Variants in MSI2 observed in about 807,000 individuals in gnomAD.
MSI2 encodes the protein musashi RNA binding protein 2.
In MSI2, 17 loss-of-function variants were observed where a neutral mutation model predicts 45.6. That is an observed-to-expected ratio of 0.37 (90% CI 0.26 to 0.56). MSI2 has a LOEUF of 0.56. Among genes scored for constraint, MSI2 ranks in the 20% least tolerant of loss-of-function variants. The probability of loss-of-function intolerance (pLI) is 0.77; values close to 1 mark genes in which losing one functional copy is unlikely to be tolerated. For synonymous variants in MSI2, 156 were observed against 158.2 expected, an observed-to-expected ratio of 0.99 and a Z score of 0.11; for missense variants, 293 against 444.2, an observed-to-expected ratio of 0.66 and a Z score of 3.06.
rs1156874538 is a variant in MSI2, at chr17:57,475,232, G to A, written c.406-54444G>A. ...TGAAGGATTTACCAAAACGCCTAGG[G>A]AGGGCTCCCTGTTCTCACAGAGGTC... On this transcript the variant is annotated intron_variant, in intron 6 of 13. Coordinates refer to ENST00000284073, the MANE Select transcript of MSI2 (RefSeq NM_138962.4). 2.0e-5 allele frequency among the ~76,000 whole-genome samples: 3 copies of A among 152,210 alleles called. No homozygotes were observed. In the East Asian group the frequency reaches 5.8e-4, roughly 29 times the overall value.
intron 6 of MSI2, among the ~76,000 whole-genome samples, chr17:57,419,537 T>C (rs1396984544): frequency 1.3e-5 from 2 of 151,416 alleles, no homozygotes; most frequent in African/African-American, 2.4e-5. Flanking sequence ...TAATTTTTTT[T>C]TTTTTTTTGT....
intron 9 of MSI2, among the ~76,000 whole-genome samples, chr17:57,621,410 C>T (rs894481143): frequency 6.6e-6 from 1 of 152,168 alleles, no homozygotes; most frequent in African/African-American, 2.4e-5. Context: ...AGAAGTGAGA[C>T]TATAAACCAT....
chr17:57,430,585 A>G (rs1229993662), intron 6 of MSI2, among the ~76,000 whole-genome samples: 1 of 152,062 alleles, frequency 6.6e-6, no homozygotes, highest in East Asian at 1.9e-4. Context: ...TTTTCATTGG[A>G]TTTATTTTTC....
At chr17:57,466,023 G>A (rs1348674344) in intron 6 of MSI2, among the ~76,000 whole-genome samples, 1 of 152,152 alleles carries the variant, frequency 6.6e-6, no homozygotes, top group Non-Finnish European at 1.5e-5. Context: ...CTCAGAGGGA[G>A]ACTCGGGTGC....
intron 5 of MSI2, among the ~76,000 whole-genome samples, chr17:57,349,656 A>C (rs546961379): frequency 6.6e-6 from 1 of 152,350 alleles, no homozygotes; most frequent in East Asian, 1.9e-4. Context: ...AGAGTACTTA[A>C]GAAGATGAAC....
Position 57,340,659 on chromosome 17 carries a change from A to G in MSI2, c.313-60720A>G, listed in dbSNP as rs114137021. Among the ~76,000 whole-genome samples, 1,100 of 152,054 alleles carry G rather than the reference A, an allele frequency of 7.2e-3. 17 individuals are homozygous for G. The highest frequency in any genetic ancestry group is 0.025 in the African/African-American group (1,042 of 41,486). ...CAGCAATGGCCTGTGGTTCTGGGGG[A>G]TGGGAGGGTGGTGTGACACTGGGAA... On this transcript the variant is annotated intron_variant, in intron 5 of 13. Transcript: ENST00000284073.
chr17:57,288,092 G>A (rs916818222), intron 5 of MSI2, among the ~76,000 whole-genome samples: 2 of 152,240 alleles, frequency 1.3e-5, no homozygotes, highest in Non-Finnish European at 2.9e-5. Context: ...TTTGGAGACA[G>A]TTCTGGGATT....
chr17:57,622,247 T>TTTGCGGCACTGCCTTGCGGCACCGCC (rs11269673), intron 9 of MSI2, among the ~76,000 whole-genome samples: 1 of 151,864 alleles, frequency 6.6e-6, no homozygotes, highest in Non-Finnish European at 1.5e-5. Context: ...CCCCTCAGAC[T>TTTGCGGCACTGCCTTGCGGCACCGCC]TTGCGGCACC....
intron 5 of MSI2, chr17:57,266,192 T>G (rs1305295560): frequency 6.6e-6 from 1 of 152,182 alleles, no homozygotes; most frequent in African/African-American, 2.4e-5. Context: ...GGCGAGTCAC[T>G]TAAGCCTCCC....
At chr17:57,321,107 G>T (rs950084480) in intron 5 of MSI2, among the ~76,000 whole-genome samples, 4 of 151,274 alleles carry the variant, frequency 2.6e-5, no homozygotes, top group Non-Finnish European at 5.9e-5. Flanking sequence ...GATGGATTTG[G>T]GGGCCTGGGA....
At chr17:57,328,012 C>T (rs1300421276) in intron 5 of MSI2, among the ~76,000 whole-genome samples, 2 of 152,156 alleles carry the variant, frequency 1.3e-5, no homozygotes, top group African/African-American at 2.4e-5. Flanking sequence ...TGCAAAGGCA[C>T]TACTGTTGGG....
chr17:57,462,170 T>G (rs1163723575), intron 6 of MSI2, among the ~76,000 whole-genome samples: 1 of 152,214 alleles, frequency 6.6e-6, no homozygotes, highest in Non-Finnish European at 1.5e-5. Flanking sequence ...TGCCTTCATC[T>G]TTATGTAACC....
At chr17:57,308,740 T>A (rs1912125553) in intron 5 of MSI2, among the ~76,000 whole-genome samples, 1 of 152,142 alleles carries the variant, frequency 6.6e-6, no homozygotes, top group African/African-American at 2.4e-5. Flanking sequence ...TGCCACTCCA[T>A]CCCTGAGAGT....
intron 5 of MSI2, among the ~76,000 whole-genome samples, chr17:57,343,057 T>TA (rs1337205497): frequency 2.0e-5 from 3 of 152,172 alleles, no homozygotes; most frequent in Non-Finnish European, 2.9e-5. Flanking sequence ...TAGCAGATTT[T>TA]AAAAAAAGAG....
At chr17:57,343,910 C>T (rs768220865) in intron 5 of MSI2, among the ~76,000 whole-genome samples, 2 of 152,212 alleles carry the variant, frequency 1.3e-5, no homozygotes, top group Non-Finnish European at 1.5e-5. Flanking sequence ...GGCCAGAACA[C>T]GACGTAAGTG....
chr17:57,425,018 C>A (rs2084465558), intron 6 of MSI2, among the ~76,000 whole-genome samples: 1 of 152,156 alleles, frequency 6.6e-6, no homozygotes, highest in East Asian at 1.9e-4. Flanking sequence ...TCCGGCCCTG[C>A]AGGAGGTGGG....
At chr17:57,368,137 G>T (rs2083367532) in intron 5 of MSI2, among the ~76,000 whole-genome samples, 1 of 152,170 alleles carries the variant, frequency 6.6e-6, no homozygotes, top group African/African-American at 2.4e-5. Context: ...TTAAGACTTT[G>T]TGTTTTTCAT....
intron 10 of MSI2, chr17:57,631,801 G>A (rs537369850): frequency 3.0e-5 from 48 of 1,612,958 alleles, no homozygotes; most frequent in Admixed American, 3.3e-5. Context: ...ACTATTTGCC[G>A]GTTTCACAAG....
chr17:57,698,924 T>TGC, the MSI2 span, among the ~76,000 whole-genome samples: 38 of 146,628 alleles, frequency 2.6e-4, no homozygotes, highest in African/African-American at 1.0e-3. Context: ...TGTGTGTGTG[T>TGC]GTGTGTGTGT....
Sources: gnomAD v4.1 joint callset for allele counts (sites outside exome capture counted in the v4.1 genomes callset) on GRCh38, gnomAD v4.1.1 for gene constraint, MANE v1.5 for transcripts, NCBI Gene and HGNC (gene_info 2026-07-23, HGNC 2026-07-21) for gene names.